The following MAMLD1 variants were observed in gnomAD, a reference collection of about 807,000 sequenced individuals.
The protein encoded by MAMLD1 is mastermind like domain containing 1, also known as mastermind-like domain-containing protein 1.
MAMLD1 carries 14 observed loss-of-function variants against 45.0 expected under a neutral mutation model. The ratio of observed to expected loss-of-function variants is 0.31; its 90% CI spans 0.21 to 0.49. The LOEUF (loss-of-function observed/expected upper bound fraction) is 0.49, where lower values mean the gene tolerates loss of function less well. MAMLD1 is among the 20% of genes least tolerant of loss of function. The pLI, the probability that MAMLD1 is intolerant of heterozygous loss-of-function variation, is 0.99. For synonymous variants in MAMLD1, 254 were observed against 247.8 expected, an observed-to-expected ratio of 1.02 and a Z score of -0.24; for missense variants, 543 against 603.6, an observed-to-expected ratio of 0.90 and a Z score of 1.05.
At chrX:150,438,032 G>T (rs2035177322) in intron 1 of MAMLD1, among the ~76,000 whole-genome samples, 1 of 109,879 alleles carries the variant, frequency 9.1e-6, no homozygotes, top group African/African-American at 3.3e-5. Context: ...GCCGTTGCTT[G>T]TATCAACTGT....
chrX:150,466,770 G>A (rs1167170855), intron 3 of MAMLD1, among the ~76,000 whole-genome samples: 3 of 111,854 alleles, frequency 2.7e-5, no homozygotes, highest in African/African-American at 9.8e-5. Flanking sequence ...GAGAGGTGCA[G>A]CCTCCTTCCC....
At chrX:150,510,872 G>A (rs1490592564) in intron 7 of MAMLD1, among the ~76,000 whole-genome samples, 1 of 111,858 alleles carries the variant, frequency 8.9e-6, no homozygotes, top group Non-Finnish European at 1.9e-5. Context: ...TGATAACAGC[G>A]GAGTCTGTGT....
chrX:150,438,853 G>A (rs1446546945), intron 1 of MAMLD1, among the ~76,000 whole-genome samples: 1 of 111,947 alleles, frequency 8.9e-6, no homozygotes, highest in Non-Finnish European at 1.9e-5. Flanking sequence ...ATTCCTTTGG[G>A]TATATACCGA....
chrX:150,434,640 GT>G (rs1366060182), intron 1 of MAMLD1, among the ~76,000 whole-genome samples: 1 of 112,100 alleles, frequency 8.9e-6, no homozygotes, highest in Non-Finnish European at 1.9e-5. Context: ...CAAATAATTT[GT>G]TGATTTCTCC....
At chrX:150,493,969 AT>A (rs10719413) in intron 5 of MAMLD1, among the ~76,000 whole-genome samples, 11,281 of 109,784 alleles carry the variant, frequency 0.1, 472 homozygotes, top group Admixed American at 0.19. Context: ...TATTTCAGTC[AT>A]TTTTTTTTCT....
At chrX:150,383,618 A>G (rs1185775944) in intron 1 of MAMLD1, among the ~76,000 whole-genome samples, 1 of 111,263 alleles carries the variant, frequency 9.0e-6, no homozygotes, top group Non-Finnish European at 1.9e-5. Flanking sequence ...GATACCATTC[A>G]CATACCACCG....
intron 5 of MAMLD1, among the ~76,000 whole-genome samples, chrX:150,481,956 AGAAAGAAAAAAGAAAG>A (rs2036785566): frequency 2.4e-4 from 23 of 95,899 alleles, no homozygotes; most frequent in African/African-American, 9.0e-4. Flanking sequence ...AAAGAAAGAA[AGAAAGAAAAAAGAAAG>A]AAAGAAAGAA....
intron 1 of MAMLD1, among the ~76,000 whole-genome samples, chrX:150,443,055 T>C (rs7051579): frequency 0.029 from 3,217 of 111,552 alleles, 114 homozygotes; most frequent in African/African-American, 0.1. Context: ...GTATCATTTC[T>C]CTTTCACTGT....
intron 5 of MAMLD1, among the ~76,000 whole-genome samples, chrX:150,494,707 C>T (rs1423311432): frequency 1.8e-5 from 2 of 110,419 alleles, no homozygotes; most frequent in Non-Finnish European, 3.8e-5. Flanking sequence ...TGGGGAAACC[C>T]TGTCTCTACT....
At chrX:150,427,315 C>T (rs2034742189) in intron 1 of MAMLD1, among the ~76,000 whole-genome samples, 1 of 112,406 alleles carries the variant, frequency 8.9e-6, no homozygotes, top group South Asian at 3.6e-4. Flanking sequence ...TGAAGATAGA[C>T]TTGAATTACT....
intron 1 of MAMLD1, among the ~76,000 whole-genome samples, chrX:150,394,671 A>G (rs928003419): frequency 9.0e-6 from 1 of 111,270 alleles, no homozygotes; most frequent in African/African-American, 3.3e-5. Flanking sequence ...TTAGATTTAT[A>G]TGTAAGTATT....
rs781895653 is a variant in MAMLD1, at chrX:150,471,310, G to A, written c.1737G>A (p.Thr579=). The A allele has an allele frequency of 5.0e-5, 60 of 1,208,925 alleles. No individual in the cohort carries two copies. Among genetic ancestry groups the A allele is most frequent in the Admixed American group, 1.5e-4 (7 of 45,674 alleles). Residue 579 remains threonine (T), a synonymous_variant, in exon 4 of 8, where the codon ACG becomes ACA. Transcript: ENST00000370401. ...ACTACCTGCAGCAGCCGACACCAACGCAGGCCTCCTCAGCCACTGCCTCCT... is the reference window on the plus strand; with the variant it reads ...ACTACCTGCAGCAGCCGACACCAACACAGGCCTCCTCAGCCACTGCCTCCT... ...LLHYLQQPTP[T]QASSATASST...
chrX:150,512,836 G>T lies in MAMLD1; in HGVS notation c.*877G>T. 8.7e-7 allele frequency: 1 copy of T among 1,155,766 alleles called. No homozygotes were observed. The highest frequency in any genetic ancestry group is 1.1e-6 in the Non-Finnish European group (1 of 872,863). On this transcript the variant is annotated 3_prime_UTR_variant, in exon 8 of 8. Transcript: ENST00000370401. The stretch of plus-strand genomic sequence containing the variant: ...ACAGAACGGATATTCCCCCTGAGCT[G>T]CCACCTGCCGACTTTTTGCGCCAGC...
chrX:150,474,984 G>A (rs186381917), intron 5 of MAMLD1, among the ~76,000 whole-genome samples: 5 of 112,000 alleles, frequency 4.5e-5, no homozygotes, highest in East Asian at 5.6e-4. Flanking sequence ...AGCTGGGACC[G>A]CTGTAGAAGG....
At chrX:150,469,653 CTCTGTGTGTGTGTG>C (rs1346413690) in intron 3 of MAMLD1, 78 bp from the exon 4 acceptor site, 12 of 483,065 alleles carry the variant, frequency 2.5e-5, no homozygotes, top group African/African-American at 5.8e-5. Context: ...CTCTCTCTCT[CTCTGTGTGTGTGTG>C]TGTGTGTGTG....
At chrX:150,465,367 T>TA (rs1390082549) in intron 3 of MAMLD1, among the ~76,000 whole-genome samples, 2 of 112,259 alleles carry the variant, frequency 1.8e-5, no homozygotes, top group African/African-American at 6.5e-5. Context: ...GAACCAGAAA[T>TA]AATGTTGACT....
At chrX:150,437,518 G>A (rs782680606) in intron 1 of MAMLD1, among the ~76,000 whole-genome samples, 1 of 112,000 alleles carries the variant, frequency 8.9e-6, no homozygotes, top group African/African-American at 3.2e-5. Flanking sequence ...TAGATTTACT[G>A]TAAATATTCT....
chrX:150,476,259 T>C (rs892615912), intron 5 of MAMLD1, among the ~76,000 whole-genome samples: 1 of 111,921 alleles, frequency 8.9e-6, no homozygotes, highest in East Asian at 2.8e-4. Context: ...GTGATATATC[T>C]TGATGTTTAA....
intron 1 of MAMLD1, among the ~76,000 whole-genome samples, chrX:150,397,087 G>A (rs1317892774): frequency 3.6e-5 from 4 of 111,930 alleles, no homozygotes; most frequent in Non-Finnish European, 5.6e-5. Flanking sequence ...TCACATTGTC[G>A]TGCAATGTCT....
Sources: gnomAD v4.1 joint callset for allele counts (sites outside exome capture counted in the v4.1 genomes callset) on GRCh38, gnomAD v4.1.1 for gene constraint, MANE v1.5 for transcripts, NCBI Gene and HGNC (gene_info 2026-07-23, HGNC 2026-07-21) for gene names.